Variants in LOXL3 observed in about 807,000 individuals in gnomAD.
LOXL3 encodes the protein lysyl oxidase like 3.
A neutral mutation model predicts 91.8 loss-of-function variants in LOXL3; 60 were observed. That is an observed-to-expected ratio of 0.65 (90% CI 0.53 to 0.81). The LOEUF (loss-of-function observed/expected upper bound fraction) is 0.81. Among genes scored for constraint, LOXL3 ranks in the 30% least tolerant of loss-of-function variants. LOXL3 has a pLI of 0.00. For synonymous variants in LOXL3, 355 were observed against 387.6 expected (o/e 0.92, Z 0.99); for missense variants, 874 against 1,000.4 (o/e 0.87, Z 1.70).
At position 74,534,082 on chromosome 2, in the gene LOXL3, G is replaced by A; in HGVS notation, c.2076+18C>T. On this transcript the variant is annotated intron_variant, in intron 12 of 13. Transcript: ENST00000264094. ...GCTCCCCCCACTCACCCATCTGGAAGCCCCAGACTCCAGGTACCTGGAGAA... is the reference window on the plus strand; with the variant it reads ...GCTCCCCCCACTCACCCATCTGGAAACCCCAGACTCCAGGTACCTGGAGAA... 1.9e-6 allele frequency: 3 copies of A among 1,613,450 alleles called. No homozygotes were observed. The highest frequency in any genetic ancestry group is 3.3e-4 in the Middle Eastern group (2 of 6,062).
At chr2:74,541,095 C>T (rs1196531977) in intron 4 of LOXL3, among the ~76,000 whole-genome samples, 1 of 152,216 alleles carries the variant, frequency 6.6e-6, no homozygotes, top group African/African-American at 2.4e-5. Flanking sequence ...CTGTACTGAA[C>T]ACGTACCAAC....
rs200047289 is a variant in LOXL3 at position 74,552,287 on chromosome 2, G to A, written c.313+35C>T. Reference sequence around the variant, plus strand: ...TTTCCCTGCACTTTGGCCACACATAGGAAATATCTAGGATATGCCTGGATC... The same window carrying A: ...TTTCCCTGCACTTTGGCCACACATAAGAAATATCTAGGATATGCCTGGATC... On this transcript the variant is annotated intron_variant, in intron 2 of 13. Transcript: ENST00000264094. The A allele has an allele frequency of 2.4e-5, 38 of 1,567,890 alleles. No individual in the cohort carries two copies. In the South Asian group the frequency reaches 4.1e-4, roughly 17 times the overall value.
intron 4 of LOXL3, among the ~76,000 whole-genome samples, chr2:74,538,795 T>C (rs1016360875): frequency 6.6e-6 from 1 of 152,196 alleles, no homozygotes; most frequent in Non-Finnish European, 1.5e-5. Context: ...GAGACGCAAG[T>C]ATGGCGTCTG....
intron 4 of LOXL3, among the ~76,000 whole-genome samples, chr2:74,540,476 C>T (rs1201421581): frequency 6.6e-6 from 1 of 151,980 alleles, no homozygotes; most frequent in Non-Finnish European, 1.5e-5. Flanking sequence ...GGCCTGAGGC[C>T]GCTGGACCAG....
rs1026411131 is a variant in LOXL3 at position 74,536,012 on chromosome 2, G to T, written c.1232C>A (p.Thr411Asn). Residue 411 changes from threonine (T) to asparagine (N), a missense_variant, in exon 7 of 14, where the codon ACT becomes AAT. Transcript: ENST00000264094. The surrounding 1 kb of genome is among the most constrained non-coding windows in gnomAD (Gnocchi z 4.5). ...DAGVRCNLPY[T>N]GAETRIRLSG... ...ATGACTGACCCTGGTCTCTGCCCCA[G>T]TGTAAGGTAGGTTGCACCGGACCCC... The T allele has an allele frequency of 1.3e-6, 2 of 1,586,368 alleles. No homozygotes were observed. Among genetic ancestry groups the T allele is most frequent in the Admixed American group, 1.7e-5 (1 of 57,304 alleles).
rs1675793884 is a variant in LOXL3 at position 74,533,654 on chromosome 2, G to A, written c.2214C>T (p.Asn738=). ...GGCCAGGGTAGCGTTCAAACCTCCT[G>A]TTGGCCTCTTCACTGAAGGCATCAC... is the stretch of plus-strand genomic sequence containing the variant. ...HIGDAFSEEA[N]RRFERYPGQT... Residue 738 remains asparagine (N), a synonymous_variant, in exon 14 of 14, where the codon AAC becomes AAT. Coordinates refer to ENST00000264094, the MANE Select transcript of LOXL3 (RefSeq NM_032603.5). 1.2e-6 allele frequency: 2 copies of A among 1,613,930 alleles called. No homozygotes were observed. Among genetic ancestry groups the A allele is most frequent in the African/African-American group, 1.3e-5 (1 of 74,868 alleles).
At chr2:74,552,737 C>CA (rs1213426865) in intron 1 of LOXL3, 91 bp from the exon 2 acceptor site, 2 of 1,139,814 alleles carry the variant, frequency 1.8e-6, no homozygotes, top group African/African-American at 3.1e-5. Context: ...GAAAGAAAAA[C>CA]AGACACTGAG....
Position 74,532,450 on chromosome 2 carries a change from G to A in LOXL3, c.*1156C>T. ...TGTGGTGTACATCTTTTATGTACAT[G>A]TTGCACTTTATTGCTAGAAGACAGA... is the stretch of plus-strand genomic sequence containing the variant. On this transcript the variant is annotated 3_prime_UTR_variant, in exon 14 of 14. Coordinates refer to ENST00000264094, the MANE Select transcript of LOXL3 (RefSeq NM_032603.5). 3 of 673,452 alleles carry A rather than the reference G, an allele frequency of 4.5e-6. No homozygotes were observed. Among genetic ancestry groups the A allele is most frequent in the Non-Finnish European group, 8.2e-6 (3 of 367,252 alleles). The allele number at this position is 673,452 out of a possible 1,614,324, so 41.7% of individuals were successfully genotyped here.
Position 74,532,834 on chromosome 2 carries a change from CT to C in LOXL3, c.*771del, listed in dbSNP as rs1675718176. 1 of 1,613,984 alleles carries C rather than the reference CT, an allele frequency of 6.2e-7. No individual in the cohort carries two copies. The highest frequency in any genetic ancestry group is 1.3e-5 in the African/African-American group (1 of 74,888). On this transcript the variant is annotated 3_prime_UTR_variant, in exon 14 of 14. Transcript: ENST00000264094. ...TTTCTCTATAGGGCTGGTCTGCGGC[CT>C]GGTGATGTGATTTTGGCCATTGGGG...
At chr2:74,555,519 C>A, upstream of LOXL3, 2 of 1,612,766 alleles carry the variant, frequency 1.2e-6, no homozygotes, top group South Asian at 2.2e-5. The surrounding 1 kb of genome is among the most constrained non-coding windows in gnomAD (Gnocchi z 6.1). Context: ...CTGCCTCAGA[C>A]CGACCCCCGC....
intron 1 of LOXL3, among the ~76,000 whole-genome samples, chr2:74,553,647 G>GCC (rs1558633436): frequency 6.6e-6 from 1 of 152,174 alleles, no homozygotes; most frequent in Non-Finnish European, 1.5e-5. Flanking sequence ...TCCCGGAGGA[G>GCC]CCCCCTCCCT....
rs1246139709 is a variant in LOXL3 at position 74,535,552 on chromosome 2, G to A, written c.1416+36C>T. On this transcript the variant is annotated intron_variant, in intron 8 of 13. Coordinates refer to ENST00000264094, the MANE Select transcript of LOXL3 (RefSeq NM_032603.5). This position sits in a 1 kb window ranked among gnomAD's most constrained non-coding sequence, Gnocchi z 4.2. The stretch of plus-strand genomic sequence containing the variant: ...CCTCTGCCCAAAACACAGGCTTTGA[G>A]ACAACAGCCTCGGCTCCCCTTTCCT... 6.2e-7 allele frequency: 1 copy of A among 1,612,728 alleles called. No homozygotes were observed. The highest frequency in any genetic ancestry group is 8.5e-7 in the Non-Finnish European group (1 of 1,179,920).
At chr2:74,538,566 G>T (rs715407) in intron 4 of LOXL3, among the ~76,000 whole-genome samples, 28,191 of 152,140 alleles carry the variant, frequency 0.19, 3,907 homozygotes, top group East Asian at 0.81. Flanking sequence ...TTCTAAAGGA[G>T]CCCAGGAGGA....
At chr2:74,534,453 T>C (rs1675865847) in intron 10 of LOXL3, 22 bp from the exon 11 acceptor site, 2 of 1,613,252 alleles carry the variant, frequency 1.2e-6, no homozygotes, top group Non-Finnish European at 1.7e-6. Context: ...AGGGAACTTC[T>C]GTTTCCTTCT....
chr2:74,539,919 CA>C (rs1676227411), intron 4 of LOXL3: 3 of 152,826 alleles, frequency 2.0e-5, no homozygotes, highest in East Asian at 3.9e-4. Context: ...CAACTAGGAC[CA>C]GGGGCAAGAT....
upstream of LOXL3, chr2:74,555,512 C>T (rs73949684): frequency 7.6e-3 from 12,297 of 1,611,992 alleles, 478 homozygotes; most frequent in African/African-American, 0.11. This position sits in a 1 kb window ranked among gnomAD's most constrained non-coding sequence, Gnocchi z 6.1. Flanking sequence ...AATGGGGCTG[C>T]CTCAGACCGA....
upstream of LOXL3, chr2:74,554,769 G>A (rs1321158474): frequency 4.3e-6 from 7 of 1,614,036 alleles, no homozygotes; most frequent in Middle Eastern, 3.4e-4. The surrounding 1 kb of genome is among the most constrained non-coding windows in gnomAD (Gnocchi z 4.9). Flanking sequence ...ACGGAGCAGT[G>A]ATGGAAGGGC....
Position 74,533,080 on chromosome 2 carries a change from C to G in LOXL3, c.*526G>C, listed in dbSNP as rs1675743334. The G allele has an allele frequency of 8.3e-7, 1 of 1,202,102 alleles. No individual in the cohort carries two copies. The highest frequency in any genetic ancestry group is 1.2e-6 in the Non-Finnish European group (1 of 821,946). 74.5% of individuals were successfully genotyped at this position (1,202,102 alleles called of 1,614,324 possible). A position where few individuals can be genotyped will look rare whatever the true frequency, so the allele number is the denominator to read the frequency against. On this transcript the variant is annotated 3_prime_UTR_variant, in exon 14 of 14. Transcript: ENST00000264094. ...CACCGAGACAGAGGGTTAAATGAAC[C>G]AGTGGGGGCAGGTCCCTCCAACCAC...
chr2:74,549,101 G>C lies in LOXL3; in HGVS notation c.692+268C>G. On this transcript the variant is annotated intron_variant, in intron 4 of 13. Coordinates refer to ENST00000264094, the MANE Select transcript of LOXL3 (RefSeq NM_032603.5). The surrounding 1 kb of genome is among the most constrained non-coding windows in gnomAD (Gnocchi z 5.3). ...CTCGCGAGGCCGGCGCGCGCCCCGG[G>C]GCCGAGGAATCCGCCTGCCCGCCCA... 6.0e-6 allele frequency: 2 copies of C among 332,234 alleles called. No homozygotes were observed. Among genetic ancestry groups the C allele is most frequent in the East Asian group, 9.7e-5 (2 of 20,536 alleles). The allele number at this position is 332,234 out of a possible 1,614,324, so 20.6% of individuals were successfully genotyped here. A position where few individuals can be genotyped will look rare whatever the true frequency, so the allele number is the denominator to read the frequency against.
Sources: allele counts gnomAD v4.1 joint callset (sites outside exome capture counted in the v4.1 genomes callset), GRCh38; gene constraint gnomAD v4.1.1; non-coding constraint Gnocchi (gnomAD v3.1); transcripts MANE v1.5; gene names NCBI Gene and HGNC (gene_info 2026-07-23, HGNC 2026-07-21).